Variants in TPX2 observed in about 807,000 individuals in gnomAD.
The protein encoded by TPX2 is TPX2 microtubule nucleation factor, also known as targeting protein for Xklp2.
TPX2 carries 21 observed loss-of-function variants against 93.6 expected under a neutral mutation model. The ratio of observed to expected loss-of-function variants is 0.22; its 90% CI spans 0.16 to 0.32. The LOEUF is 0.32. TPX2 is among the 10% of genes least tolerant of loss of function. The pLI is 1.00. For missense variants in TPX2, 776 were observed against 871.1 expected (o/e 0.89, Z 1.37); for synonymous variants, 281 against 298.3 (o/e 0.94, Z 0.60).
At chr20:31,785,019 C>T (rs1403299188) in intron 12 of TPX2, among the ~76,000 whole-genome samples, 1 of 152,168 alleles carries the variant, frequency 6.6e-6, no homozygotes, top group African/African-American at 2.4e-5. Flanking sequence ...AATGTATTAC[C>T]TTTGACTGAG....
intron 8 of TPX2, among the ~76,000 whole-genome samples, chr20:31,776,242 G>A (rs976214450): frequency 1.3e-5 from 2 of 150,978 alleles, no homozygotes; most frequent in South Asian, 2.1e-4. Context: ...CACCGCGCCC[G>A]GCTAATTTTT....
In TPX2 at chr20:31,800,948, G is replaced by A. The variant is rs779926616; in HGVS notation, c.2134-22G>A. 3 of 1,587,632 alleles carry A rather than the reference G, an allele frequency of 1.9e-6. No homozygotes were observed. The Admixed American group carries it at 5.0e-5, about 27-fold the overall frequency. The stretch of plus-strand genomic sequence containing the variant: ...TAGTTCTCTGACATCCCTCTCACTG[G>A]TAACTTTTCCTTACTTTGCAGGTGC... On this transcript the variant is annotated intron_variant, in intron 17 of 17. Transcript: ENST00000300403.
chr20:31,773,788 A>G (rs1277842457), intron 7 of TPX2, among the ~76,000 whole-genome samples: 1 of 152,202 alleles, frequency 6.6e-6, no homozygotes, highest in Non-Finnish European at 1.5e-5. Context: ...ATTCATGACT[A>G]CAATTTGGAA....
chr20:31,754,590 G>A (rs1285775779), intron 2 of TPX2, among the ~76,000 whole-genome samples: 2 of 152,192 alleles, frequency 1.3e-5, no homozygotes, highest in African/African-American at 4.8e-5. Flanking sequence ...ATGTAAGTGG[G>A]TGTTTTTTTC....
chr20:31,758,452 A>G (rs1328723812), intron 3 of TPX2, among the ~76,000 whole-genome samples: 1 of 152,182 alleles, frequency 6.6e-6, no homozygotes. Flanking sequence ...GGATTATGCT[A>G]CTAAGAACCC....
At chr20:31,740,629 T>C (rs1259932848) in intron 1 of TPX2, among the ~76,000 whole-genome samples, 3 of 152,224 alleles carry the variant, frequency 2.0e-5, no homozygotes, top group South Asian at 2.1e-4. Flanking sequence ...CGTTTTTTGG[T>C]ATGTTTGGGG....
chr20:31,754,759 G>C (rs1400325086), intron 2 of TPX2, among the ~76,000 whole-genome samples: 1 of 152,056 alleles, frequency 6.6e-6, no homozygotes, highest in Non-Finnish European at 1.5e-5. Context: ...TTGGAAAAAG[G>C]CTGAAAATCA....
chr20:31,779,535 A>G (rs1016512655), intron 10 of TPX2, among the ~76,000 whole-genome samples: 3 of 152,232 alleles, frequency 2.0e-5, no homozygotes, highest in African/African-American at 7.2e-5. Context: ...GTCATTAGAG[A>G]TACACTAATT....
At chr20:31,743,700 GTC>G (rs2061766348) in intron 2 of TPX2, among the ~76,000 whole-genome samples, 1 of 150,544 alleles carries the variant, frequency 6.6e-6, no homozygotes, top group African/African-American at 2.5e-5. Flanking sequence ...CTCAAAAAAA[GTC>G]TGTACATATG....
At chr20:31,769,390 T>C (rs2061949964) in intron 5 of TPX2, among the ~76,000 whole-genome samples, 1 of 150,568 alleles carries the variant, frequency 6.6e-6, no homozygotes, top group Non-Finnish European at 1.5e-5. Flanking sequence ...GCGATCTCGG[T>C]TCACTGCAAG....
chr20:31,785,190 G>A (rs1159971409), intron 12 of TPX2, among the ~76,000 whole-genome samples: 1 of 152,176 alleles, frequency 6.6e-6, no homozygotes, highest in African/African-American at 2.4e-5. Context: ...TGTTCACGAT[G>A]CTTTTTTTTC....
chr20:31,801,707 A>T lies in TPX2; in HGVS notation c.*627A>T, dbSNP rs1225010158. On this transcript the variant is annotated 3_prime_UTR_variant, in exon 18 of 18. Coordinates refer to ENST00000300403, the MANE Select transcript of TPX2 (RefSeq NM_012112.5). Reference sequence around the variant, plus strand: ...CTCTGGGTGGGGCTGCCGTTAAGGCACGTTCTTTCCTTACTGGTGCTGATA... The same window carrying T: ...CTCTGGGTGGGGCTGCCGTTAAGGCTCGTTCTTTCCTTACTGGTGCTGATA... The T allele has an allele frequency of 6.6e-6, 1 of 152,326 alleles. No homozygotes were observed. Among genetic ancestry groups the T allele is most frequent in the Admixed American group, 6.5e-5 (1 of 15,298 alleles). The allele number at this position is 152,326 out of a possible 1,614,324, so 9.4% of individuals were successfully genotyped here.
At chr20:31,778,467 A>C (rs1158658071) in intron 9 of TPX2, among the ~76,000 whole-genome samples, 1 of 151,664 alleles carries the variant, frequency 6.6e-6, no homozygotes, top group Non-Finnish European at 1.5e-5. Flanking sequence ...TTTTTTTTTT[A>C]AAGTGGAGTT....
In TPX2 at chr20:31,769,245, G is replaced by A. The variant is rs571467110; in HGVS notation, c.357-1098G>A. On this transcript the variant is annotated intron_variant, in intron 5 of 17. Coordinates refer to ENST00000300403, the MANE Select transcript of TPX2 (RefSeq NM_012112.5). ...ACCACAAAATTTTTTGTTTTTCTTC[G>A]AAACTAACATACCATGTTTACGTAA... 2.7e-5 allele frequency among the ~76,000 whole-genome samples: 4 copies of A among 145,926 alleles called. No individual in the cohort carries two copies. The South Asian group carries it at 6.4e-4, about 23-fold the overall frequency.
intron 5 of TPX2, among the ~76,000 whole-genome samples, chr20:31,769,793 C>T (rs1182998826): frequency 6.6e-6 from 1 of 151,976 alleles, no homozygotes; most frequent in African/African-American, 2.4e-5. Context: ...GTTTTGTATT[C>T]ATCTTATTGA....
At chr20:31,745,586 C>G (rs1358694701) in intron 2 of TPX2, among the ~76,000 whole-genome samples, 1 of 152,158 alleles carries the variant, frequency 6.6e-6, no homozygotes, top group Non-Finnish European at 1.5e-5. Context: ...CCTTGGCCTC[C>G]CAGAGTGCTG....
chr20:31,796,205 T>TA (rs1311848527), intron 15 of TPX2, among the ~76,000 whole-genome samples: 2 of 152,244 alleles, frequency 1.3e-5, no homozygotes, highest in Non-Finnish European at 2.9e-5. Flanking sequence ...CCTGGTTCTA[T>TA]AGTGATCAAA....
At chr20:31,777,190 A>G (rs1412134927) in intron 8 of TPX2, among the ~76,000 whole-genome samples, 1 of 152,148 alleles carries the variant, frequency 6.6e-6, no homozygotes, top group Admixed American at 6.6e-5. Context: ...AAAGTATTCC[A>G]GTTATTCTTT....
At chr20:31,795,883 A>T (rs1037532610) in intron 15 of TPX2, among the ~76,000 whole-genome samples, 12 of 152,204 alleles carry the variant, frequency 7.9e-5, no homozygotes, top group Non-Finnish European at 1.3e-4. Flanking sequence ...TTTTTATGTC[A>T]TCATTAATCT....
Sources: gnomAD v4.1 joint callset for allele counts (sites outside exome capture counted in the v4.1 genomes callset) on GRCh38, gnomAD v4.1.1 for gene constraint, MANE v1.5 for transcripts, NCBI Gene and HGNC (gene_info 2026-07-23, HGNC 2026-07-21) for gene names.